The following IQSEC1 variants were observed in gnomAD, a reference collection of about 807,000 sequenced individuals.
The protein encoded by IQSEC1 is IQ motif and SEC7 domain-containing protein 1.
In IQSEC1, 31 loss-of-function variants were observed where a neutral mutation model predicts 91.0. The ratio of observed to expected loss-of-function variants is 0.34; its 90% CI spans 0.26 to 0.46. IQSEC1 has a LOEUF of 0.46. Among genes scored for constraint, IQSEC1 ranks in the 20% least tolerant of loss-of-function variants. IQSEC1 has a pLI of 1.00. For synonymous variants in IQSEC1, 699 were observed against 662.6 expected, an observed-to-expected ratio of 1.05 and a Z score of -0.84; for missense variants, 1,388 against 1,575.6, an observed-to-expected ratio of 0.88 and a Z score of 2.02.
At chr3:13,266,887 C>T (rs1576316520) in intron 1 of IQSEC1, among the ~76,000 whole-genome samples, 1 of 152,208 alleles carries the variant, frequency 6.6e-6, no homozygotes, top group African/African-American at 2.4e-5. Flanking sequence ...TGCTCCCCCA[C>T]CAGGCTATGA....
chr3:13,122,918 G>T (rs781000650), intron 2 of IQSEC1, among the ~76,000 whole-genome samples: 2 of 152,292 alleles, frequency 1.3e-5, no homozygotes, highest in South Asian at 2.1e-4. Flanking sequence ...CCTTGGTCAC[G>T]CTCCCAGGAC....
chr3:13,003,254 A>C (rs1702497341), intron 1 of IQSEC1, among the ~76,000 whole-genome samples: 1 of 140,186 alleles, frequency 7.1e-6, no homozygotes, highest in Non-Finnish European at 1.5e-5. Context: ...CCTGGGCAAC[A>C]AAGTGAGACC....
chr3:13,081,651 C>T (rs1347182056), intron 2 of IQSEC1, among the ~76,000 whole-genome samples: 1 of 152,188 alleles, frequency 6.6e-6, no homozygotes, highest in Non-Finnish European at 1.5e-5. Context: ...AAAAATTTTT[C>T]AGTCATCTAA....
intron 1 of IQSEC1, among the ~76,000 whole-genome samples, chr3:12,943,400 A>G (rs554045071): frequency 2.5e-4 from 38 of 152,254 alleles, no homozygotes; most frequent in African/African-American, 8.2e-4. Context: ...GTGGCTTCTC[A>G]GTGTAGGACG....
rs1695820598 is a variant in IQSEC1 at position 13,282,788 on chromosome 3, G to A, written c.195C>T (p.Ala65=). The change falls in exon 1 of 16, where the codon GCC becomes GCT. Residue 65 remains alanine, a synonymous_variant. Coordinates refer to the IQSEC1 transcript ENST00000648114. The surrounding 1 kb of genome is among the most constrained non-coding windows in gnomAD (Gnocchi z 6.4). ...GGCCGGGGCCCGGGTCGGGGCGGCGGGCGCACGCGGCCAGGTGTCGCCGGT... is the reference window on the plus strand; with the variant it reads ...GGCCGGGGCCCGGGTCGGGGCGGCGAGCGCACGCGGCCAGGTGTCGCCGGT... Among the ~76,000 whole-genome samples the A allele has an allele frequency of 6.8e-6, 1 of 148,126 alleles. No individual in the cohort carries two copies. The highest frequency in any genetic ancestry group is 6.7e-5 in the Admixed American group (1 of 14,940).
At chr3:13,165,601 C>T (rs1237146599) in intron 1 of IQSEC1, among the ~76,000 whole-genome samples, 1 of 131,252 alleles carries the variant, frequency 7.6e-6, no homozygotes, top group Non-Finnish European at 1.6e-5. Context: ...TTCACTTCAT[C>T]GCCATCTTAG....
At chr3:13,178,934 C>CA (rs1287729523) in intron 1 of IQSEC1, among the ~76,000 whole-genome samples, 4 of 152,128 alleles carry the variant, frequency 2.6e-5, no homozygotes, top group Non-Finnish European at 4.4e-5. Context: ...TCGGTCATCC[C>CA]AAAAAAGTAT....
At chr3:12,930,006 G>A (rs1459938286) in intron 3 of IQSEC1, among the ~76,000 whole-genome samples, 1 of 152,220 alleles carries the variant, frequency 6.6e-6, no homozygotes, top group East Asian at 1.9e-4. Context: ...ATCTCTCATC[G>A]TCTTTCAGCG....
intron 3 of IQSEC1, among the ~76,000 whole-genome samples, chr3:12,931,578 A>T (rs971170494): frequency 2.0e-5 from 3 of 152,180 alleles, no homozygotes; most frequent in African/African-American, 7.2e-5. Context: ...CAGACACGTT[A>T]AACACAAGGA....
At position 12,924,678 on chromosome 3, in the gene IQSEC1, C is replaced by T; in HGVS notation, c.1633G>A (p.Val545Met). 1 of 1,609,836 alleles carries T rather than the reference C, an allele frequency of 6.2e-7. No individual in the cohort carries two copies. Among genetic ancestry groups the T allele is most frequent in the South Asian group, 1.1e-5 (1 of 90,390 alleles). ...TTGCGCTGCAGCAGGAAGTGGGCCA[C>T]CCCGACGGGCGTGTCGGGCACAAAG... Reference protein sequence around the residue: ...RGFVPDTPVGVAHFLLQRKGL... With the variant: ...RGFVPDTPVGMAHFLLQRKGL... The change falls in exon 4 of 14, where the codon GTG becomes ATG. Residue 545 changes from valine to methionine, a missense_variant. Around this residue, in one of 2 missense-constraint regions of IQSEC1, gnomAD observed 1,059 missense variants for 1,317.8 expected, o/e 0.80. Transcript: ENST00000613206. The surrounding 1 kb of genome is among the most constrained non-coding windows in gnomAD (Gnocchi z 6.3).
chr3:13,132,610 G>A (rs1706638819), intron 2 of IQSEC1, among the ~76,000 whole-genome samples: 1 of 152,158 alleles, frequency 6.6e-6, no homozygotes, highest in African/African-American at 2.4e-5. Context: ...CTCTCTCTGA[G>A]CTGTGACCTG....
chr3:12,936,275 G>A lies in IQSEC1; in HGVS notation c.741C>T (p.Arg247=). ...AESIDDALNC[R]SLHTEEAPAL... is the part of the protein sequence containing the mutation. ...CCGGTGCCTCCTCAGTGTGCAGGCT[G>A]CGGCAGTTGAGGGCATCGTCGATGG... The change falls in exon 3 of 14, where the codon CGC becomes CGT. Residue 247 remains arginine (R), a synonymous_variant. Coordinates refer to ENST00000613206, the MANE Select transcript of IQSEC1 (RefSeq NM_001134382.3). 1 of 1,613,326 alleles carries A rather than the reference G, an allele frequency of 6.2e-7. No homozygotes were observed.
intron 1 of IQSEC1, among the ~76,000 whole-genome samples, chr3:13,240,582 G>A (rs906654024): frequency 4.6e-5 from 7 of 152,026 alleles, no homozygotes; most frequent in African/African-American, 7.3e-5. Context: ...AGGGTCTCAC[G>A]GGCTGCAGTA....
In IQSEC1 at chr3:13,275,773, G is replaced by A. The variant is rs958105662; in HGVS notation, c.272+6938C>T. Reference sequence around the variant, plus strand: ...ATGATGTTTCCAAGTGGAGGCAGTGGGGGAGCGGCCCTAACCAAGGACAAG... The same window carrying A: ...ATGATGTTTCCAAGTGGAGGCAGTGAGGGAGCGGCCCTAACCAAGGACAAG... On this transcript the variant is annotated intron_variant, in intron 1 of 15. Coordinates refer to the IQSEC1 transcript ENST00000648114. Among the ~76,000 whole-genome samples the A allele has an allele frequency of 8.5e-5, 13 of 152,302 alleles. 1 individual carries two copies. The South Asian group carries it at 2.5e-3, about 29-fold the overall frequency.
chr3:12,965,825 G>T (rs1700526526), intron 1 of IQSEC1, among the ~76,000 whole-genome samples: 1 of 152,204 alleles, frequency 6.6e-6, no homozygotes, highest in Non-Finnish European at 1.5e-5. Context: ...GAGGCGGGAG[G>T]TGCAGCCAGG....
intron 1 of IQSEC1, among the ~76,000 whole-genome samples, chr3:13,210,929 C>T (rs554325913): frequency 2.0e-4 from 31 of 152,290 alleles, no homozygotes; most frequent in African/African-American, 7.5e-4. Flanking sequence ...GAGTGGGAGG[C>T]GAGGAGGCTG....
chr3:13,010,282 T>C (rs74370400), intron 1 of IQSEC1, among the ~76,000 whole-genome samples: 4 of 152,276 alleles, frequency 2.6e-5, no homozygotes, highest in Non-Finnish European at 5.9e-5. Flanking sequence ...CCAATTTTCT[T>C]TGGGGAATCC....
intron 3 of IQSEC1, among the ~76,000 whole-genome samples, chr3:12,934,406 C>G (rs1418330045): frequency 6.6e-6 from 1 of 152,212 alleles, no homozygotes; most frequent in Non-Finnish European, 1.5e-5. Flanking sequence ...CCATCTCCCC[C>G]AGTCTAGAAG....
chr3:12,900,017 A>G lies in IQSEC1; in HGVS notation c.*966T>C. The G allele has an allele frequency of 1.0e-6, 1 of 985,406 alleles. No homozygotes were observed. The highest frequency in any genetic ancestry group is 1.2e-6 in the Non-Finnish European group (1 of 829,930). 61.0% of individuals were successfully genotyped at this position (985,406 alleles called of 1,614,324 possible). On this transcript the variant is annotated 3_prime_UTR_variant, in exon 14 of 14. Transcript: ENST00000613206. ...GTTATCGCAGCCATTAAAGTGTCTA[A>G]GAATCCGTGTAACCAATGTCCTAAG...
Sources: gnomAD v4.1 joint callset for allele counts (sites outside exome capture counted in the v4.1 genomes callset) on GRCh38, gnomAD v4.1.1 for gene constraint, gnomAD v4.1.1 regional missense constraint, Gnocchi (gnomAD v3.1) non-coding constraint, MANE v1.5 for transcripts, NCBI Gene and HGNC (gene_info 2026-07-23, HGNC 2026-07-21) for gene names.